The following RNF138 variants were observed in gnomAD, a reference collection of about 807,000 sequenced individuals.
RNF138 encodes the protein E3 ubiquitin-protein ligase RNF138.
RNF138 carries 12 observed loss-of-function variants against 31.0 expected under a neutral mutation model. The observed-to-expected ratio is 0.39, with a 90% CI of 0.25 to 0.63. RNF138 has a LOEUF of 0.63. Among genes scored for constraint, RNF138 ranks in the 20% least tolerant of loss-of-function variants. The pLI, the probability that RNF138 is intolerant of heterozygous loss-of-function variation, is 0.52. For synonymous variants in RNF138, 105 were observed against 99.5 expected, an observed-to-expected ratio of 1.06 and a Z score of -0.33; for missense variants, 192 against 300.1, an observed-to-expected ratio of 0.64 and a Z score of 2.66.
At position 32,092,866 on chromosome 18, in the gene RNF138, G is replaced by A; in HGVS notation, c.90G>A (p.Arg30=). 1 of 1,583,890 alleles carries A rather than the reference G, an allele frequency of 6.3e-7. No homozygotes were observed. Among genetic ancestry groups the A allele is most frequent in the Non-Finnish European group, 8.6e-7 (1 of 1,168,240 alleles). Residue 30 remains arginine (R), a synonymous_variant, in exon 2 of 8, where the codon CGG becomes CGA. Transcript: ENST00000261593. ...VCQEVLKTPV[R]TTACQHVFCR... ...AGGAGGTGCTCAAAACGCCCGTGCG[G>A]ACCACGGCCTGTCAGCACGTGTGAG...
chr18:32,115,700 A>T (rs1487559687), intron 4 of RNF138, among the ~76,000 whole-genome samples: 1 of 152,164 alleles, frequency 6.6e-6, no homozygotes. Flanking sequence ...AGCCGAGAGC[A>T]CATCACTGCA....
chr18:32,110,885 A>G (rs928877785), intron 2 of RNF138, among the ~76,000 whole-genome samples: 1 of 151,238 alleles, frequency 6.6e-6, no homozygotes, highest in East Asian at 1.9e-4. Flanking sequence ...GGTTCATGCC[A>G]TTCTCCTGCC....
rs1172864667 is a variant in RNF138 at position 32,130,705 on chromosome 18, G to GTTAA, written c.*1521_*1524dup. On this transcript the variant is annotated 3_prime_UTR_variant, in exon 8 of 8. Coordinates refer to ENST00000261593, the MANE Select transcript of RNF138 (RefSeq NM_016271.5). ...TTTTTTAACTTGATTTAATAAAAAT[G>GTTAA]TTAATTTTGGAAGTGCAGTTTTGTA... is the stretch of plus-strand genomic sequence containing the variant. 2 of 152,356 alleles carry GTTAA rather than the reference G, an allele frequency of 1.3e-5. No individual in the cohort carries two copies. The highest frequency in any genetic ancestry group is 2.9e-5 in the Non-Finnish European group (2 of 67,854). 9.4% of individuals were successfully genotyped at this position (152,356 alleles called of 1,614,324 possible). A position where few individuals can be genotyped will look rare whatever the true frequency, so the allele number is the denominator to read the frequency against.
intron 2 of RNF138, among the ~76,000 whole-genome samples, chr18:32,105,842 G>A (rs1320357617): frequency 1.3e-5 from 2 of 152,192 alleles, no homozygotes; most frequent in Non-Finnish European, 2.9e-5. Context: ...TATCAGAACA[G>A]ATAGCTTTCT....
At chr18:32,121,516 A>G (rs2040305692) in intron 4 of RNF138, among the ~76,000 whole-genome samples, 1 of 152,188 alleles carries the variant, frequency 6.6e-6, no homozygotes, top group Non-Finnish European at 1.5e-5. Context: ...AAAAGTTTTA[A>G]TCCTATTTTC....
At position 32,113,795 on chromosome 18, in the gene RNF138, G is replaced by T; in HGVS notation, c.327G>T (p.Gln109His). The change falls in exon 4 of 8, where the codon CAG (glutamine) becomes CAT (histidine). Residue 109 changes from glutamine to histidine, a missense_variant. Physicochemically the swap from Gln to His is conservative, Grantham distance 24. This residue lies in a region of RNF138 where 140 missense variants were observed against 251.7 expected (regional missense o/e 0.56). Coordinates refer to ENST00000261593, the MANE Select transcript of RNF138 (RefSeq NM_016271.5). ...ATTACAAATCTTGTAAGAAGTATCA[G>T]GATGAATATGGTGTTTCTTCTATCA... is the stretch of plus-strand genomic sequence containing the variant. ...RHHYKSCKKYQDEYGVSSIIP... is the reference protein window; with the variant it reads ...RHHYKSCKKYHDEYGVSSIIP... 1.9e-6 allele frequency: 3 copies of T among 1,559,948 alleles called. No individual in the cohort carries two copies. Among genetic ancestry groups the T allele is most frequent in the Non-Finnish European group, 1.7e-6 (2 of 1,155,106 alleles).
intron 4 of RNF138, among the ~76,000 whole-genome samples, chr18:32,114,144 C>G (rs912652903): frequency 1.3e-5 from 2 of 152,120 alleles, no homozygotes; most frequent in African/African-American, 4.8e-5. Flanking sequence ...AGATTTTTCT[C>G]TTACTGATTT....
chr18:32,118,456 C>A (rs1004306703), intron 4 of RNF138, among the ~76,000 whole-genome samples: 2 of 151,574 alleles, frequency 1.3e-5, no homozygotes. Context: ...ATTTCTTGAA[C>A]CCAGGAGGCA....
At chr18:32,128,861 A>C (rs544477240) in intron 7 of RNF138, among the ~76,000 whole-genome samples, 7 of 151,578 alleles carry the variant, frequency 4.6e-5, no homozygotes, top group Non-Finnish European at 1.0e-4. Context: ...ATAACACTCA[A>C]ATTTTGTTCT....
chr18:32,124,430 A>G (rs1189237713), intron 5 of RNF138: 2 of 227,724 alleles, frequency 8.8e-6, no homozygotes, highest in Non-Finnish European at 1.7e-5. Context: ...GAAAACAACT[A>G]CAATTAAGTT....
At chr18:32,102,152 G>GT (rs1421842900) in intron 2 of RNF138, among the ~76,000 whole-genome samples, 2 of 148,758 alleles carry the variant, frequency 1.3e-5, no homozygotes, top group Non-Finnish European at 3.0e-5. Flanking sequence ...CAAAGTGCTG[G>GT]TATTACAGGT....
chr18:32,104,537 T>A (rs2039996927), intron 2 of RNF138, among the ~76,000 whole-genome samples: 1 of 152,096 alleles, frequency 6.6e-6, no homozygotes, highest in African/African-American at 2.4e-5. Flanking sequence ...TTGTCATAAT[T>A]TGTCGATTAA....
intron 3 of RNF138, 58 bp from the exon 4 acceptor site, chr18:32,113,687 T>G: frequency 1.3e-6 from 1 of 764,124 alleles, no homozygotes; most frequent in South Asian, 2.1e-5. Flanking sequence ...CTCTTTACAC[T>G]ATTTCAAATC....
chr18:32,100,568 C>T (rs886281922), intron 2 of RNF138, among the ~76,000 whole-genome samples: 9 of 150,724 alleles, frequency 6.0e-5, no homozygotes, highest in Admixed American at 1.3e-4. Flanking sequence ...CTCCGTCTCC[C>T]GGGTTTAAGC....
At chr18:32,108,290 T>A (rs1055160460) in intron 2 of RNF138, among the ~76,000 whole-genome samples, 7 of 152,198 alleles carry the variant, frequency 4.6e-5, no homozygotes, top group African/African-American at 1.7e-4. Context: ...AACAGATTAT[T>A]AGCATCCCAG....
intron 4 of RNF138, among the ~76,000 whole-genome samples, chr18:32,118,519 G>A (rs900958606): frequency 1.4e-5 from 2 of 146,420 alleles, no homozygotes; most frequent in East Asian, 2.1e-4. Flanking sequence ...GGGAGACAGA[G>A]CAAGACTCTT....
Position 32,129,959 on chromosome 18 carries a change from T to TTAAC in RNF138, c.*776_*779dup, listed in dbSNP as rs942401170. 1.3e-5 allele frequency: 2 copies of TTAAC among 152,214 alleles called. No individual in the cohort carries two copies. The highest frequency in any genetic ancestry group is 2.1e-4 in the South Asian group (1 of 4,832). The allele number at this position is 152,214 out of a possible 1,614,324, so 9.4% of individuals were successfully genotyped here. A position where few individuals can be genotyped will look rare whatever the true frequency, so the allele number is the denominator to read the frequency against. On this transcript the variant is annotated 3_prime_UTR_variant, in exon 8 of 8. Coordinates refer to ENST00000261593, the MANE Select transcript of RNF138 (RefSeq NM_016271.5). ...AATTTTCAGTAGCCAGTATTTCTGA[T>TTAAC]TAACTAAGTTGAAACTCTTATTAGA...
At chr18:32,121,089 C>A (rs1233049660) in intron 4 of RNF138, among the ~76,000 whole-genome samples, 1 of 150,842 alleles carries the variant, frequency 6.6e-6, no homozygotes, top group Non-Finnish European at 1.5e-5. Context: ...TAGCCGCGAT[C>A]GCGCCGCTGC....
chr18:32,108,942 A>G (rs1050606254), intron 2 of RNF138, among the ~76,000 whole-genome samples: 1 of 152,076 alleles, frequency 6.6e-6, no homozygotes, highest in African/African-American at 2.4e-5. Flanking sequence ...TGCTGGGATT[A>G]TAGGCATAAG....
Sources: allele counts gnomAD v4.1 joint callset (sites outside exome capture counted in the v4.1 genomes callset), GRCh38; gene constraint gnomAD v4.1.1; regional missense constraint gnomAD v4.1.1; transcripts MANE v1.5; gene names NCBI Gene and HGNC (gene_info 2026-07-23, HGNC 2026-07-21).